REL: variants seen among roughly 807,000 people sequenced by gnomAD.
REL encodes the protein proto-oncogene c-Rel.
A neutral mutation model predicts 45.9 loss-of-function variants in REL; 15 were observed. That is an observed-to-expected ratio of 0.33 (90% CI 0.22 to 0.50). REL has a LOEUF of 0.50. REL is among the 20% of genes least tolerant of loss of function. REL has a pLI of 0.98. For missense variants in REL, 601 were observed against 715.2 expected, an observed-to-expected ratio of 0.84 and a Z score of 1.82; for synonymous variants, 239 against 242.1, an observed-to-expected ratio of 0.99 and a Z score of 0.12.
At chr2:60,918,731 C>T in intron 7 of REL, 125 bp downstream of exon 7, 2 of 709,012 alleles carry the variant, frequency 2.8e-6, no homozygotes, top group Non-Finnish European at 4.7e-6. Flanking sequence ...TTCCTGGAAG[C>T]TTTCTGTTGG....
In REL at chr2:60,923,339, A is replaced by G; in HGVS notation, c.*804A>G. On this transcript the variant is annotated 3_prime_UTR_variant, in exon 10 of 10. Coordinates refer to ENST00000394479, the MANE Select transcript of REL (RefSeq NM_001291746.2). Reference sequence around the variant, plus strand: ...GGTTTTCTACATTTTATACTATTTCAATCTATGCCTTTAAAGTTGCTTATG... The same window carrying G: ...GGTTTTCTACATTTTATACTATTTCGATCTATGCCTTTAAAGTTGCTTATG... 4.4e-6 allele frequency: 1 copy of G among 227,260 alleles called. No homozygotes were observed. The highest frequency in any genetic ancestry group is 8.8e-6 in the Non-Finnish European group (1 of 114,202). The allele number at this position is 227,260 out of a possible 1,614,324, so 14.1% of individuals were successfully genotyped here.
At position 60,929,687 on chromosome 2, in the gene REL, G is replaced by A. The variant is rs1354420230; in HGVS notation, c.*7152G>A. The A allele has an allele frequency of 1.9e-5, 2 of 106,410 alleles. No homozygotes were observed. Among genetic ancestry groups the A allele is most frequent in the African/African-American group, 3.6e-5 (1 of 27,946 alleles). 6.6% of individuals were successfully genotyped at this position (106,410 alleles called of 1,614,324 possible). A position where few individuals can be genotyped will look rare whatever the true frequency, so the allele number is the denominator to read the frequency against. ...ACTGTTGTGGGGTGGGGGGAGGGGG[G>A]AGGGATAGCATTGGGAGATATACCT... On this transcript the variant is annotated 3_prime_UTR_variant, in exon 10 of 10. Coordinates refer to ENST00000394479, the MANE Select transcript of REL (RefSeq NM_001291746.2).
intron 3 of REL, among the ~76,000 whole-genome samples, chr2:60,898,331 C>A (rs1482020652): frequency 3.3e-5 from 5 of 152,148 alleles, no homozygotes; most frequent in Non-Finnish European, 1.5e-5. Flanking sequence ...CCTATAAGGC[C>A]CACATGACCC....
intron 4 of REL, among the ~76,000 whole-genome samples, chr2:60,902,133 A>G (rs1157411752): frequency 1.3e-5 from 2 of 152,154 alleles, no homozygotes; most frequent in East Asian, 3.8e-4. Flanking sequence ...CAAAGAATAT[A>G]TTTCTTGGTC....
chr2:60,905,845 G>T (rs1023173230), intron 4 of REL, among the ~76,000 whole-genome samples: 6 of 152,104 alleles, frequency 3.9e-5, no homozygotes, highest in Non-Finnish European at 5.9e-5. Context: ...CTTTCACCAT[G>T]ACCCACAGTA....
chr2:60,926,676 CTTT>C lies in REL; in HGVS notation c.*4142_*4144del, dbSNP rs1368526046. 4.4e-6 allele frequency: 1 copy of C among 228,366 alleles called. No individual in the cohort carries two copies. Among genetic ancestry groups the C allele is most frequent in the African/African-American group, 2.2e-5 (1 of 44,910 alleles). The allele number at this position is 228,366 out of a possible 1,614,324, so 14.1% of individuals were successfully genotyped here. On this transcript the variant is annotated 3_prime_UTR_variant, in exon 10 of 10. Transcript: ENST00000394479. ...TCCTGATAAACTGGCTCGCTCTCTT[CTTT>C]ACCTTCCATAATGGCATTACCATTT...
At chr2:60,886,828 A>G (rs371228707) in intron 1 of REL, among the ~76,000 whole-genome samples, 186 of 152,330 alleles carry the variant, frequency 1.2e-3, no homozygotes, top group African/African-American at 4.2e-3. Flanking sequence ...CTAAGCGCAA[A>G]TAAAAACATA....
rs536068740 is a variant in REL, at chr2:60,906,101, T to C, written c.394+5018T>C. Among the ~76,000 whole-genome samples, 26 of 152,158 alleles carry C rather than the reference T, an allele frequency of 1.7e-4. No individual in the cohort carries two copies. In the East Asian group the frequency reaches 3.9e-3, roughly 23 times the overall value. On this transcript the variant is annotated intron_variant, in intron 4 of 9. Transcript: ENST00000394479. ...AATGAGGAAAATGCAAAAGCGGAAA[T>C]CCCTGATAAAACCATCATATCTTGT...
Position 60,881,605 on chromosome 2 carries a change from T to C in REL, c.-236T>C, listed in dbSNP as rs1273113836. The stretch of plus-strand genomic sequence containing the variant: ...CTCTCCCCGCTCCGCCCCCTGCCCC[T>C]GGCTCCCGTACGGTGGACGGCGACG... On this transcript the variant is annotated 5_prime_UTR_variant, in exon 1 of 10. Transcript: ENST00000394479. The C allele has an allele frequency of 5.9e-6, 3 of 504,276 alleles. No individual in the cohort carries two copies. The highest frequency in any genetic ancestry group is 1.1e-5 in the Non-Finnish European group (3 of 283,606). 31.2% of individuals were successfully genotyped at this position (504,276 alleles called of 1,614,324 possible). A position where few individuals can be genotyped will look rare whatever the true frequency, so the allele number is the denominator to read the frequency against.
rs900919787 is a variant in REL at position 60,931,245 on chromosome 2, G to A, written c.*8710G>A. ...AAAACACAAAGCTTTTGGGTAACCA[G>A]CGTTCTTAAATGTATGGTTTTTGAC... On this transcript the variant is annotated 3_prime_UTR_variant, in exon 10 of 10. Coordinates refer to ENST00000394479, the MANE Select transcript of REL (RefSeq NM_001291746.2). 6.6e-6 allele frequency: 1 copy of A among 152,324 alleles called. No homozygotes were observed. The highest frequency in any genetic ancestry group is 2.4e-5 in the African/African-American group (1 of 41,438). 9.4% of individuals were successfully genotyped at this position (152,324 alleles called of 1,614,324 possible). A position where few individuals can be genotyped will look rare whatever the true frequency, so the allele number is the denominator to read the frequency against.
At chr2:60,907,117 T>G (rs1399738282) in intron 4 of REL, among the ~76,000 whole-genome samples, 2 of 151,176 alleles carry the variant, frequency 1.3e-5, no homozygotes, top group African/African-American at 2.4e-5. Context: ...GAGATGGGGT[T>G]TCACCATGGC....
intron 3 of REL, among the ~76,000 whole-genome samples, chr2:60,896,005 G>GTT (rs942033792): frequency 6.8e-6 from 1 of 146,190 alleles, no homozygotes. Context: ...TCTGTTTTTT[G>GTT]TTTTTTTTTT....
chr2:60,885,806 C>T (rs144017829), intron 1 of REL, among the ~76,000 whole-genome samples: 2 of 152,302 alleles, frequency 1.3e-5, no homozygotes, highest in East Asian at 3.8e-4. Flanking sequence ...CAGCTATTCT[C>T]AACTGTGGTG....
At position 60,881,799 on chromosome 2, in the gene REL, G is replaced by A. The variant is rs1046633377; in HGVS notation, c.-42G>A. 16 of 1,528,252 alleles carry A rather than the reference G, an allele frequency of 1.0e-5. No individual in the cohort carries two copies. Among genetic ancestry groups the A allele is most frequent in the Non-Finnish European group, 1.2e-5 (14 of 1,139,138 alleles). 94.7% of individuals were successfully genotyped at this position (1,528,252 alleles called of 1,614,324 possible). A position where few individuals can be genotyped will look rare whatever the true frequency, so the allele number is the denominator to read the frequency against. Reference sequence around the variant, plus strand: ...ACTGACTGCGGCCGCCTCCGGCCAGGACGCTGGGAGCTGCCTGCGGGAAGG... The same window carrying A: ...ACTGACTGCGGCCGCCTCCGGCCAGAACGCTGGGAGCTGCCTGCGGGAAGG... On this transcript the variant is annotated 5_prime_UTR_variant, in exon 1 of 10. Transcript: ENST00000394479.
rs368454199 is a variant in REL, at chr2:60,922,085, C to T, written c.1314C>T (p.Val438=). 1.7e-5 allele frequency: 27 copies of T among 1,613,926 alleles called. No individual in the cohort carries two copies. Among genetic ancestry groups the T allele is most frequent in the Admixed American group, 5.0e-5 (3 of 59,990 alleles). ...TTTACAACAATGCCGATGACATAGT[C>T]GGAATGGAAGCGTCATCCATGCCAT... is the stretch of plus-strand genomic sequence containing the variant. ...ACIYNNADDI[V]GMEASSMPSA... The change falls in exon 10 of 10, where the codon GTC becomes GTT. Residue 438 remains valine, a synonymous_variant. Coordinates refer to ENST00000394479, the MANE Select transcript of REL (RefSeq NM_001291746.2).
rs559003204 is a variant in REL, at chr2:60,896,945, T to C, written c.302+2400T>C. Among the ~76,000 whole-genome samples the C allele has an allele frequency of 2.6e-5, 4 of 152,336 alleles. No homozygotes were observed. The East Asian group carries it at 7.7e-4, about 29-fold the overall frequency. ...ATGAATAACATGAATAATATTTTCA[T>C]GTTAACATGAAACATTTTGGGCAAG... On this transcript the variant is annotated intron_variant, in intron 3 of 9. Coordinates refer to ENST00000394479, the MANE Select transcript of REL (RefSeq NM_001291746.2).
intron 5 of REL, 84 bp from the exon 6 acceptor site, chr2:60,918,107 C>T (rs1573343700): frequency 1.3e-6 from 1 of 770,144 alleles, no homozygotes; most frequent in East Asian, 2.7e-5. Flanking sequence ...TCTGTGAATG[C>T]TTTTCCTCAA....
chr2:60,921,060 TCA>T lies in REL; in HGVS notation c.991+421_991+422del, dbSNP rs1674127726. ...AGTTCCAACAGAGGCTGTATATAGC[TCA>T]CAAAGCCTAAAATATTTACAATCTG... is the stretch of plus-strand genomic sequence containing the variant. On this transcript the variant is annotated intron_variant, in intron 9 of 9. Transcript: ENST00000394479. 2.0e-5 allele frequency among the ~76,000 whole-genome samples: 3 copies of T among 152,090 alleles called. No individual in the cohort carries two copies. The South Asian group carries it at 6.2e-4, about 32-fold the overall frequency.
chr2:60,912,639 A>AT (rs919043784), intron 4 of REL, among the ~76,000 whole-genome samples: 3 of 152,148 alleles, frequency 2.0e-5, no homozygotes, highest in Non-Finnish European at 4.4e-5. Flanking sequence ...GAGAGATTTC[A>AT]TTTTTGCCCA....
Sources: allele counts gnomAD v4.1 joint callset (sites outside exome capture counted in the v4.1 genomes callset), GRCh38; gene constraint gnomAD v4.1.1; transcripts MANE v1.5; gene names NCBI Gene and HGNC (gene_info 2026-07-23, HGNC 2026-07-21).